The following MRPL13 variants were observed in gnomAD, a reference collection of about 807,000 sequenced individuals.
MRPL13 encodes the protein mitochondrial ribosomal protein L13.
A neutral mutation model predicts 29.0 loss-of-function variants in MRPL13; 33 were observed. That is an observed-to-expected ratio of 1.14 (90% confidence interval 0.86 to 1.52). MRPL13 has a LOEUF of 1.52. MRPL13 is among the 40% of genes most tolerant of loss of function. The pLI, the probability that MRPL13 is intolerant of heterozygous loss-of-function variation, is 0.00. For missense variants in MRPL13, 227 were observed against 216.7 expected (o/e 1.05, Z -0.30); for synonymous variants, 77 against 68.4 (o/e 1.13, Z -0.62).
rs193242193 is a variant in MRPL13 at position 120,421,966 on chromosome 8, T to G, written c.307-2028A>C. Among the ~76,000 whole-genome samples the G allele has an allele frequency of 2.2e-3, 340 of 151,780 alleles. 2 individuals are homozygous for G. The highest frequency in any genetic ancestry group is 7.5e-3 in the African/African-American group (312 of 41,506). ...TGCTATTATATACAAAGCATATTAA[T>G]ATTCAAAATATAATATTTTGACCTG... On this transcript the variant is annotated intron_variant, in intron 4 of 6. Transcript: ENST00000306185.
chr8:120,432,527 G>A (rs1586926721), intron 2 of MRPL13, among the ~76,000 whole-genome samples: 1 of 152,094 alleles, frequency 6.6e-6, no homozygotes, highest in African/African-American at 2.4e-5. Flanking sequence ...AATGAAAACA[G>A]TATGTATATA....
chr8:120,436,426 T>C (rs1813054864), intron 2 of MRPL13, among the ~76,000 whole-genome samples: 1 of 152,208 alleles, frequency 6.6e-6, no homozygotes, highest in Non-Finnish European at 1.5e-5. Flanking sequence ...CCCTAATGGC[T>C]ACTTATATTG....
chr8:120,433,107 G>C (rs1206308477), intron 2 of MRPL13, among the ~76,000 whole-genome samples: 3 of 152,050 alleles, frequency 2.0e-5, no homozygotes. Flanking sequence ...TTCATCACTA[G>C]AGTGAAAGGA....
rs528299099 is a variant in MRPL13 at position 120,421,129 on chromosome 8, C to CAT, written c.307-1192_307-1191insAT. Among the ~76,000 whole-genome samples the CAT allele has an allele frequency of 3.9e-3, 594 of 151,580 alleles. 4 individuals carry two copies. Among genetic ancestry groups the CAT allele is most frequent in the African/African-American group, 0.014 (568 of 41,250 alleles). On this transcript the variant is annotated intron_variant, in intron 4 of 6. Transcript: ENST00000306185. ...AAGTTAGTAAATATCAAAGACCTTCCTCATATAATCTATATCCCAGGGTAC... is the reference window on the plus strand; with the variant it reads ...AAGTTAGTAAATATCAAAGACCTTCCATTCATATAATCTATATCCCAGGGTAC...
chr8:120,407,179 A>G (rs1812678031), intron 6 of MRPL13, among the ~76,000 whole-genome samples: 1 of 152,244 alleles, frequency 6.6e-6, no homozygotes, highest in Admixed American at 6.5e-5. Context: ...TTCAGAATTC[A>G]GAAATGACAG....
chr8:120,411,972 T>C (rs533165784), intron 6 of MRPL13, among the ~76,000 whole-genome samples: 1 of 152,312 alleles, frequency 6.6e-6, no homozygotes, highest in East Asian at 1.9e-4. Context: ...ATAATAACAC[T>C]AAATATAATT....
chr8:120,436,887 C>T (rs1813060377), intron 2 of MRPL13, among the ~76,000 whole-genome samples: 1 of 152,164 alleles, frequency 6.6e-6, no homozygotes, highest in African/African-American at 2.4e-5. Context: ...GGACAAATGT[C>T]CAAATGGCTA....
At chr8:120,434,063 T>C (rs141249563) in intron 2 of MRPL13, among the ~76,000 whole-genome samples, 1 of 152,098 alleles carries the variant, frequency 6.6e-6, no homozygotes, top group Non-Finnish European at 1.5e-5. Flanking sequence ...AGTATAATAC[T>C]AGGTGCTCAA....
intron 2 of MRPL13, among the ~76,000 whole-genome samples, chr8:120,436,136 C>T (rs893131400): frequency 3.9e-5 from 6 of 151,986 alleles, no homozygotes; most frequent in Admixed American, 1.3e-4. Context: ...TAGGGTGAAG[C>T]GATTAATTGG....
At position 120,419,937 on chromosome 8, in the gene MRPL13, A is replaced by G. The variant is rs766832666; in HGVS notation, c.308T>C (p.Ile103Thr). Reference protein sequence around the residue: ...AQLHLRDPVAIVKLAIYGMLP... With the variant: ...AQLHLRDPVATVKLAIYGMLP... ...CATGCCATAAATAGCTAGTTTTACA[A>G]TCTGAAAGATATACATAGGACACAA... The change falls in exon 5 of 7, where the codon ATT becomes ACT. Residue 103 changes from isoleucine (I) to threonine (T), a missense_variant and splice_region_variant. Physicochemically the swap from Ile to Thr is moderately conservative, Grantham distance 89. Transcript: ENST00000306185. 3.8e-6 allele frequency: 6 copies of G among 1,585,522 alleles called. No homozygotes were observed. Among genetic ancestry groups the G allele is most frequent in the Non-Finnish European group, 4.3e-6 (5 of 1,165,232 alleles).
intron 6 of MRPL13, among the ~76,000 whole-genome samples, chr8:120,398,867 T>C (rs898663290): frequency 6.6e-6 from 1 of 151,978 alleles, no homozygotes; most frequent in African/African-American, 2.4e-5. Context: ...ATCACAAGTA[T>C]TAATAGCAGA....
At chr8:120,441,178 G>A (rs1381783911) in intron 2 of MRPL13, among the ~76,000 whole-genome samples, 1 of 152,110 alleles carries the variant, frequency 6.6e-6, no homozygotes. Flanking sequence ...GGGTGAAGTA[G>A]ATAAGAAGCA....
intron 2 of MRPL13, among the ~76,000 whole-genome samples, chr8:120,436,728 C>G (rs1003854586): frequency 5.9e-5 from 9 of 152,146 alleles, no homozygotes; most frequent in African/African-American, 1.9e-4. Flanking sequence ...GATCCAGGTT[C>G]TTTTTCCTTC....
chr8:120,423,125 G>C (rs1812892290), intron 4 of MRPL13, among the ~76,000 whole-genome samples: 2 of 151,770 alleles, frequency 1.3e-5, no homozygotes, highest in South Asian at 2.1e-4. Flanking sequence ...CTTTAAGAAA[G>C]GGAAAAATGA....
intron 1 of MRPL13, 108 bp downstream of exon 1, chr8:120,444,960 G>C (rs1281067104): frequency 1.4e-6 from 2 of 1,465,146 alleles, no homozygotes; most frequent in Non-Finnish European, 1.9e-6. Flanking sequence ...CTTGGCCGAG[G>C]GTCTCGGCTT....
chr8:120,439,492 A>T (rs1813092794), intron 2 of MRPL13, among the ~76,000 whole-genome samples: 2 of 152,220 alleles, frequency 1.3e-5, no homozygotes, highest in South Asian at 4.1e-4. Context: ...TGCTGTGACC[A>T]GAGGTTCAGA....
Position 120,445,120 on chromosome 8 carries a change from T to C in MRPL13, c.-26A>G. 6.2e-7 allele frequency: 1 copy of C among 1,613,762 alleles called. No homozygotes were observed. The highest frequency in any genetic ancestry group is 8.5e-7 in the Non-Finnish European group (1 of 1,179,866). ...ATTCCTCTACTAGCAGGACCGTACGTCCTTCTCCTAGTAGCCACGCCGGGT... is the reference window on the plus strand; with the variant it reads ...ATTCCTCTACTAGCAGGACCGTACGCCCTTCTCCTAGTAGCCACGCCGGGT... On this transcript the variant is annotated 5_prime_UTR_variant, in exon 1 of 7. Transcript: ENST00000306185.
chr8:120,442,684 G>A (rs1381316140), intron 2 of MRPL13, among the ~76,000 whole-genome samples: 3 of 152,046 alleles, frequency 2.0e-5, no homozygotes, highest in African/African-American at 7.2e-5. Context: ...CTTCTAGAAC[G>A]AAAACAACTT....
intron 2 of MRPL13, among the ~76,000 whole-genome samples, chr8:120,442,281 C>T (rs769083745): frequency 2.0e-4 from 31 of 152,156 alleles, no homozygotes; most frequent in Admixed American, 1.8e-3. Flanking sequence ...TCAATAGTTG[C>T]TATGCACCTT....
Sources: gnomAD v4.1 joint callset for allele counts (sites outside exome capture counted in the v4.1 genomes callset) on GRCh38, gnomAD v4.1.1 for gene constraint, MANE v1.5 for transcripts, NCBI Gene and HGNC (gene_info 2026-07-23, HGNC 2026-07-21) for gene names.